Variants in AUTS2 observed in about 807,000 individuals in gnomAD.
AUTS2 encodes the protein autism susceptibility gene 2 protein.
In AUTS2, 17 loss-of-function variants were observed where a neutral mutation model predicts 112.4. The observed-to-expected ratio is 0.15, with a 90% CI of 0.10 to 0.23. AUTS2 has a LOEUF of 0.23. Among genes scored for constraint, AUTS2 ranks in the 10% least tolerant of loss-of-function variants. AUTS2 has a pLI of 1.00. For missense variants in AUTS2, 1,510 were observed against 1,701.6 expected (o/e 0.89, Z 1.98); for synonymous variants, 751 against 702.7 (o/e 1.07, Z -1.09).
chr7:70,233,895 GC>G (rs2129597470), intron 4 of AUTS2, among the ~76,000 whole-genome samples: 1 of 152,336 alleles, frequency 6.6e-6, no homozygotes, highest in Admixed American at 6.5e-5. Context: ...GGTTAAATTT[GC>G]TCAGTGTCTG....
At chr7:70,297,495 TC>T (rs1227804800) in intron 4 of AUTS2, among the ~76,000 whole-genome samples, 3 of 150,900 alleles carry the variant, frequency 2.0e-5, no homozygotes, top group Non-Finnish European at 4.4e-5. Context: ...CAGTGACGCA[TC>T]TCGGCCCACT....
chr7:70,210,855 T>C (rs750170401), intron 4 of AUTS2, among the ~76,000 whole-genome samples: 15 of 152,226 alleles, frequency 9.9e-5, no homozygotes, highest in Non-Finnish European at 2.2e-4. Context: ...GTATGCATCG[T>C]TGCATGGCAA....
At chr7:70,697,558 A>AC (rs1339850640) in intron 5 of AUTS2, among the ~76,000 whole-genome samples, 20 of 71,476 alleles carry the variant, frequency 2.8e-4, no homozygotes, top group Admixed American at 5.8e-4. Context: ...GCACTTCAGA[A>AC]TTCCCCCCCC....
intron 2 of AUTS2, among the ~76,000 whole-genome samples, chr7:70,062,558 G>A (rs1488644665): frequency 1.3e-5 from 2 of 150,576 alleles, no homozygotes; most frequent in Admixed American, 6.6e-5. Flanking sequence ...TTATCCCAAC[G>A]TACATTGTTT....
Position 70,663,345 on chromosome 7 carries a change from G to C in AUTS2, c.691-35224G>C, listed in dbSNP as rs141037259. The stretch of plus-strand genomic sequence containing the variant: ...TGCCAGGAGGCAGAGATTGCAGCAA[G>C]CTGAGATCATGCAACTACACTCCAG... On this transcript the variant is annotated intron_variant, in intron 5 of 18. Transcript: ENST00000342771. Among the ~76,000 whole-genome samples, 30 of 152,358 alleles carry C rather than the reference G, an allele frequency of 2.0e-4. 1 individual carries two copies. In the East Asian group the frequency reaches 5.8e-3, roughly 29 times the overall value.
intron 1 of AUTS2, among the ~76,000 whole-genome samples, chr7:69,838,301 TTGA>T (rs57339468): frequency 1.2e-4 from 18 of 151,696 alleles, no homozygotes; most frequent in Non-Finnish European, 2.2e-4. Flanking sequence ...CCTAAAGCGA[TTGA>T]TGATGATGAT....
At chr7:70,408,437 A>T (rs1421215040) in intron 4 of AUTS2, among the ~76,000 whole-genome samples, 10 of 152,176 alleles carry the variant, frequency 6.6e-5, no homozygotes, top group Non-Finnish European at 8.8e-5. Context: ...AGGGCACATT[A>T]TGAGAAAGGT....
At chr7:70,634,076 C>T (rs768751243) in intron 5 of AUTS2, among the ~76,000 whole-genome samples, 38 of 151,214 alleles carry the variant, frequency 2.5e-4, no homozygotes, top group Non-Finnish European at 4.7e-4. Context: ...ATTCTAGGTA[C>T]GAGAAACATC....
At chr7:70,174,361 G>A (rs1436373406) in intron 4 of AUTS2, among the ~76,000 whole-genome samples, 1 of 152,196 alleles carries the variant, frequency 6.6e-6, no homozygotes, top group African/African-American at 2.4e-5. Flanking sequence ...AGAGGTTTAA[G>A]GAAAGGAACT....
chr7:69,903,722 C>A (rs1162866769), intron 2 of AUTS2, among the ~76,000 whole-genome samples: 1 of 152,124 alleles, frequency 6.6e-6, no homozygotes, highest in African/African-American at 2.4e-5. Context: ...AAAGAGGCAA[C>A]CTGTTGAGAT....
chr7:70,057,172 T>C (rs1433159768), intron 2 of AUTS2, among the ~76,000 whole-genome samples: 1 of 152,270 alleles, frequency 6.6e-6, no homozygotes, highest in Non-Finnish European at 1.5e-5. Context: ...TCTACCATAG[T>C]TTACCAGTTA....
rs75238683 is a variant in AUTS2, at chr7:69,816,744, A to T, written c.310-82542A>T. Among the ~76,000 whole-genome samples, 904 of 152,318 alleles carry T rather than the reference A, an allele frequency of 5.9e-3. 13 individuals are homozygous for T. Among genetic ancestry groups the T allele is most frequent in the African/African-American group, 0.021 (860 of 41,572 alleles). On this transcript the variant is annotated intron_variant, in intron 1 of 18. Coordinates refer to ENST00000342771, the MANE Select transcript of AUTS2 (RefSeq NM_015570.4). ...CTTTTTGTAGATATGAGGGCCAGAG[A>T]GGTTATGAGTTAGCCAAAGTCTATC...
chr7:70,003,801 T>A (rs376578380), intron 2 of AUTS2, among the ~76,000 whole-genome samples: 1 of 94,956 alleles, frequency 1.1e-5, no homozygotes, highest in Non-Finnish European at 1.9e-5. Flanking sequence ...TGAATATATA[T>A]AATATATGAA....
chr7:70,587,702 T>A (rs1802748431), intron 5 of AUTS2, among the ~76,000 whole-genome samples: 1 of 152,248 alleles, frequency 6.6e-6, no homozygotes, highest in Admixed American at 6.5e-5. Flanking sequence ...GGTATTAGGA[T>A]GAACCATGTG....
chr7:69,765,624 T>TATTTAAA (rs976852263), intron 1 of AUTS2, among the ~76,000 whole-genome samples: 1 of 152,158 alleles, frequency 6.6e-6, no homozygotes, highest in Non-Finnish European at 1.5e-5. Context: ...GTCTAATTTT[T>TATTTAAA]ATTTAAAATT....
At chr7:69,700,421 C>T (rs1318584447) in intron 1 of AUTS2, among the ~76,000 whole-genome samples, 3 of 151,172 alleles carry the variant, frequency 2.0e-5, no homozygotes, top group African/African-American at 7.3e-5. Context: ...TTTCTTATGC[C>T]CTCATTAGCT....
At chr7:69,602,509 A>G (rs966571717) in intron 1 of AUTS2, among the ~76,000 whole-genome samples, 1 of 152,166 alleles carries the variant, frequency 6.6e-6, no homozygotes, top group African/African-American at 2.4e-5. Flanking sequence ...CTACCAACTC[A>G]TATCTCATCT....
At chr7:70,578,963 G>C (rs1403747342) in intron 5 of AUTS2, among the ~76,000 whole-genome samples, 1 of 122,112 alleles carries the variant, frequency 8.2e-6, no homozygotes, top group African/African-American at 3.2e-5. Context: ...TCCCTCCTTT[G>C]CCCAGGTTGG....
At chr7:70,310,092 CTGAT>C (rs1404048649) in intron 4 of AUTS2, among the ~76,000 whole-genome samples, 2 of 151,180 alleles carry the variant, frequency 1.3e-5, no homozygotes, top group African/African-American at 2.4e-5. Context: ...GGTTAAATAA[CTGAT>C]TGAAATGTGG....
Sources: allele counts gnomAD v4.1 joint callset (sites outside exome capture counted in the v4.1 genomes callset), GRCh38; gene constraint gnomAD v4.1.1; transcripts MANE v1.5; gene names NCBI Gene and HGNC (gene_info 2026-07-23, HGNC 2026-07-21).